The following CCDC60 variants were observed in gnomAD, a reference collection of about 807,000 sequenced individuals.
CCDC60 encodes the protein coiled-coil domain-containing protein 60.
In CCDC60, 54 loss-of-function variants were observed where a neutral mutation model predicts 63.5. That is an observed-to-expected ratio of 0.85 (90% confidence interval 0.68 to 1.07). The LOEUF (loss-of-function observed/expected upper bound fraction) is 1.07. Among genes scored for constraint, CCDC60 ranks in the 50% least tolerant of loss-of-function variants. CCDC60 has a pLI of 0.00. For missense variants in CCDC60, 651 were observed against 684.3 expected, an observed-to-expected ratio of 0.95 and a Z score of 0.54; for synonymous variants, 206 against 238.8, an observed-to-expected ratio of 0.86 and a Z score of 1.27.
intron 1 of CCDC60, among the ~76,000 whole-genome samples, chr12:119,349,352 T>TTTTTTC (rs1955630862): frequency 6.7e-6 from 1 of 148,284 alleles, no homozygotes; most frequent in South Asian, 2.2e-4. Flanking sequence ...TTTTTTTTTT[T>TTTTTTC]TTTTTTCTTC....
chr12:119,519,663 A>G (rs952740973), intron 8 of CCDC60, among the ~76,000 whole-genome samples: 5 of 151,778 alleles, frequency 3.3e-5, no homozygotes, highest in Non-Finnish European at 5.9e-5. Flanking sequence ...GGGTTTTGCA[A>G]TGTTGGCCAG....
At chr12:119,473,413 G>C (rs1223938106) in intron 3 of CCDC60, among the ~76,000 whole-genome samples, 1 of 152,172 alleles carries the variant, frequency 6.6e-6, no homozygotes, top group African/African-American at 2.4e-5. Flanking sequence ...GTCCAGGTCA[G>C]TTACATTAGG....
At chr12:119,450,668 G>A (rs1206537236) in intron 2 of CCDC60, among the ~76,000 whole-genome samples, 1 of 152,050 alleles carries the variant, frequency 6.6e-6, no homozygotes, top group African/African-American at 2.4e-5. Flanking sequence ...ACCATCTTGG[G>A]CAACATGGTG....
intron 1 of CCDC60, among the ~76,000 whole-genome samples, chr12:119,348,827 G>T (rs1399191838): frequency 1.3e-5 from 2 of 152,138 alleles, no homozygotes; most frequent in Non-Finnish European, 2.9e-5. Context: ...TCTCAAGGTC[G>T]TCCTGGAGGT....
intron 2 of CCDC60, among the ~76,000 whole-genome samples, chr12:119,468,352 A>G (rs142120413): frequency 2.0e-4 from 30 of 152,328 alleles, no homozygotes; most frequent in Middle Eastern, 6.8e-3. Context: ...ACAATATGGC[A>G]TTACTAAGTG....
At chr12:119,387,034 T>TCTCTCACACACACACA (rs543330015) in intron 1 of CCDC60, among the ~76,000 whole-genome samples, 3 of 105,450 alleles carry the variant, frequency 2.8e-5, no homozygotes, top group Admixed American at 1.1e-4. Flanking sequence ...TCTGTCTCTC[T>TCTCTCACACACACACA]CACACACACA....
chr12:119,382,256 C>A (rs908647275), intron 1 of CCDC60, among the ~76,000 whole-genome samples: 1 of 152,174 alleles, frequency 6.6e-6, no homozygotes. Context: ...AGCGTTTTAC[C>A]ATGAGGCAGA....
rs376008143 is a variant in CCDC60 at position 119,370,576 on chromosome 12, G to T, written c.90+35310G>T. ...TGAAGTCTATGTGAAGGGGTCACGT[G>T]GATGGAGCAGTCCACTCCTCCCTGC... is the stretch of plus-strand genomic sequence containing the variant. On this transcript the variant is annotated intron_variant, in intron 1 of 13. Transcript: ENST00000327554. Among the ~76,000 whole-genome samples, 53 of 152,286 alleles carry T rather than the reference G, an allele frequency of 3.5e-4. 1 individual carries two copies. The highest frequency in any genetic ancestry group is 6.5e-4 in the Non-Finnish European group (44 of 68,018).
chr12:119,474,013 G>A (rs2136332167), intron 3 of CCDC60, among the ~76,000 whole-genome samples: 1 of 152,260 alleles, frequency 6.6e-6, no homozygotes, highest in South Asian at 2.1e-4. Context: ...TCAAATGGTA[G>A]TTCTACTTTT....
chr12:119,519,433 G>GCA (rs1566058530), intron 8 of CCDC60, among the ~76,000 whole-genome samples: 12 of 121,934 alleles, frequency 9.8e-5, no homozygotes, highest in South Asian at 5.3e-4. Flanking sequence ...GTGTGTGTGT[G>GCA]TGCGCGTGTG....
At chr12:119,481,964 C>CATATATATATAGTATATATATGTGTATAT (rs1555249290) in intron 4 of CCDC60, among the ~76,000 whole-genome samples, 5 of 122,660 alleles carry the variant, frequency 4.1e-5, no homozygotes, top group African/African-American at 1.5e-4. Context: ...AGTATTCCAT[C>CATATATATATAGTATATATATGTGTATAT]ATATATATAT....
chr12:119,426,035 G>C (rs569538602), intron 1 of CCDC60, among the ~76,000 whole-genome samples: 1 of 152,296 alleles, frequency 6.6e-6, no homozygotes, highest in African/African-American at 2.4e-5. Context: ...TTATGCAAAA[G>C]CATGGGAAAG....
intron 1 of CCDC60, among the ~76,000 whole-genome samples, chr12:119,391,728 A>G (rs1381727477): frequency 6.6e-6 from 1 of 152,256 alleles, no homozygotes; most frequent in Admixed American, 6.5e-5. Context: ...TCCTAGAGAA[A>G]GCTAAAAGAA....
intron 5 of CCDC60, among the ~76,000 whole-genome samples, chr12:119,496,132 C>G (rs946446411): frequency 1.1e-4 from 16 of 152,128 alleles, no homozygotes; most frequent in African/African-American, 3.6e-4. Context: ...CAGGAAGTCC[C>G]CAGAGCTTTG....
chr12:119,514,476 A>G lies in CCDC60; in HGVS notation c.884-2147A>G, dbSNP rs1408526031. ...AGTGCTGGGATTACAGGCATGAGCC[A>G]CCGCATCTGCCCTTAGTTTTTAACA... is the stretch of plus-strand genomic sequence containing the variant. On this transcript the variant is annotated intron_variant, in intron 7 of 13. Coordinates refer to ENST00000327554, the MANE Select transcript of CCDC60 (RefSeq NM_178499.5). 3.3e-5 allele frequency among the ~76,000 whole-genome samples: 5 copies of G among 152,126 alleles called. No individual in the cohort carries two copies. The South Asian group carries it at 8.3e-4, about 25-fold the overall frequency.
intron 1 of CCDC60, among the ~76,000 whole-genome samples, chr12:119,399,083 C>G (rs1056041943): frequency 1.3e-5 from 2 of 151,962 alleles, no homozygotes. Flanking sequence ...GTTTCTCAAA[C>G]AAAAACTATG....
At chr12:119,364,294 C>T (rs1010163552) in intron 1 of CCDC60, among the ~76,000 whole-genome samples, 1 of 152,106 alleles carries the variant, frequency 6.6e-6, no homozygotes, top group Non-Finnish European at 1.5e-5. Flanking sequence ...ATTGTATGCA[C>T]CCACGTAACC....
In CCDC60 at chr12:119,396,160, A is replaced by T. The variant is rs58369638; in HGVS notation, c.91-32523A>T. ...ACCATGTTGGCCAGGCTGGTGTCGA[A>T]CTCCTGACCTCAAGTGATTCCCCCG... On this transcript the variant is annotated intron_variant, in intron 1 of 13. Coordinates refer to ENST00000327554, the MANE Select transcript of CCDC60 (RefSeq NM_178499.5). 3.4e-4 allele frequency among the ~76,000 whole-genome samples: 51 copies of T among 151,742 alleles called. No homozygotes were observed. In the East Asian group the frequency reaches 8.9e-3, roughly 27 times the overall value.
At chr12:119,477,300 A>G (rs948057500) in intron 3 of CCDC60, among the ~76,000 whole-genome samples, 1 of 152,136 alleles carries the variant, frequency 6.6e-6, no homozygotes, top group Non-Finnish European at 1.5e-5. Flanking sequence ...ACATAGACCT[A>G]CCTCTCGATT....
Sources: gnomAD v4.1 joint callset for allele counts (sites outside exome capture counted in the v4.1 genomes callset) on GRCh38, gnomAD v4.1.1 for gene constraint, MANE v1.5 for transcripts, NCBI Gene and HGNC (gene_info 2026-07-23, HGNC 2026-07-21) for gene names.